Variants in CALN1 observed in about 807,000 individuals in gnomAD.
The protein encoded by CALN1 is calneuron 1, also known as calcium-binding protein 8.
Under a neutral mutation model 30.6 loss-of-function variants are expected in CALN1, and 17 were observed. That is an observed-to-expected ratio of 0.56 (90% CI 0.38 to 0.83). The LOEUF is 0.83. Among genes scored for constraint, CALN1 ranks in the 40% least tolerant of loss-of-function variants. The probability of loss-of-function intolerance (pLI) is 0.00; values close to 1 mark genes in which losing one functional copy is unlikely to be tolerated. For missense variants in CALN1, 291 were observed against 354.9 expected, an observed-to-expected ratio of 0.82 and a Z score of 1.45; for synonymous variants, 156 against 131.4, an observed-to-expected ratio of 1.19 and a Z score of -1.28.
intron 4 of CALN1, among the ~76,000 whole-genome samples, chr7:72,104,710 G>A (rs767785428): frequency 2.0e-5 from 3 of 152,178 alleles, no homozygotes; most frequent in Admixed American, 6.5e-5. Context: ...CGTAATCCCA[G>A]CACTTTGGGA....
chr7:72,447,818 T>G (rs1808573016), upstream of CALN1, among the ~76,000 whole-genome samples: 1 of 148,786 alleles, frequency 6.7e-6, no homozygotes. Flanking sequence ...CACATTCCTA[T>G]GTACACACAT....
At chr7:72,027,269 C>T (rs918494666) in intron 4 of CALN1, among the ~76,000 whole-genome samples, 8 of 152,098 alleles carry the variant, frequency 5.3e-5, no homozygotes, top group Admixed American at 4.6e-4. Flanking sequence ...CTAGGAGACG[C>T]CCCAAGTACT....
At chr7:72,463,983 AGGAG>A in the CALN1 span, among the ~76,000 whole-genome samples, 13,012 of 105,752 alleles carry the variant, frequency 0.12, 1,600 homozygotes, top group African/African-American at 0.32. Flanking sequence ...AAGGAAGGGA[AGGAG>A]GGAGGGAGGG....
intron 5 of CALN1, among the ~76,000 whole-genome samples, chr7:71,842,184 C>A (rs1789977688): frequency 6.6e-6 from 1 of 152,228 alleles, no homozygotes; most frequent in Non-Finnish European, 1.5e-5. Flanking sequence ...AAAGTCTAGT[C>A]CCGAGTAAAC....
intron 2 of CALN1, among the ~76,000 whole-genome samples, chr7:72,347,099 G>A (rs961019230): frequency 1.3e-5 from 2 of 152,156 alleles, no homozygotes; most frequent in African/African-American, 4.8e-5. Flanking sequence ...AATGCTGGCT[G>A]AGAATTTTCC....
intron 5 of CALN1, among the ~76,000 whole-genome samples, chr7:71,875,494 T>C (rs889519322): frequency 4.6e-5 from 7 of 152,192 alleles, no homozygotes; most frequent in African/African-American, 1.7e-4. Context: ...TCTGATATAA[T>C]GAAGCCAGTA....
intron 3 of CALN1, among the ~76,000 whole-genome samples, chr7:72,238,062 A>G (rs1794591514): frequency 6.6e-6 from 1 of 152,216 alleles, no homozygotes; most frequent in South Asian, 2.1e-4. Flanking sequence ...GAAGCCCTAC[A>G]GAAGACAGCC....
chr7:72,254,626 G>A (rs186373555), intron 3 of CALN1, among the ~76,000 whole-genome samples: 88 of 152,060 alleles, frequency 5.8e-4, no homozygotes, highest in Non-Finnish European at 9.7e-4. Context: ...TCCTCACTCC[G>A]TTGTTTTTTT....
chr7:72,218,641 G>C (rs1482820407), intron 3 of CALN1, among the ~76,000 whole-genome samples: 1 of 152,112 alleles, frequency 6.6e-6, no homozygotes, highest in African/African-American at 2.4e-5. Flanking sequence ...ACATCACTTT[G>C]CTTTAGTATA....
chr7:72,282,411 T>C lies in CALN1; in HGVS notation c.120-3601A>G, dbSNP rs923112346. On this transcript the variant is annotated intron_variant, in intron 2 of 6. Coordinates refer to ENST00000395275, the MANE Select transcript of CALN1 (RefSeq NM_031468.4). ...AATGAATGTGTCCCCCAGTAATTCA[T>C]ACACTGGAATCTAAGACTCTAATGT... is the stretch of plus-strand genomic sequence containing the variant. Among the ~76,000 whole-genome samples, 5 of 152,354 alleles carry C rather than the reference T, an allele frequency of 3.3e-5. No homozygotes were observed. In the East Asian group the frequency reaches 7.7e-4, roughly 24 times the overall value.
At chr7:72,183,272 C>A (rs1172827288) in intron 3 of CALN1, among the ~76,000 whole-genome samples, 3 of 151,994 alleles carry the variant, frequency 2.0e-5, no homozygotes, top group Non-Finnish European at 2.9e-5. Flanking sequence ...ACCACGTTGG[C>A]CAGGCTGGAA....
At chr7:72,460,054 G>A in the CALN1 span, among the ~76,000 whole-genome samples, 6 of 152,166 alleles carry the variant, frequency 3.9e-5, no homozygotes, top group African/African-American at 1.4e-4. Flanking sequence ...AGGGGAGCCA[G>A]CATCACATGG....
At chr7:72,341,420 G>A (rs978045631) in intron 2 of CALN1, among the ~76,000 whole-genome samples, 5 of 152,224 alleles carry the variant, frequency 3.3e-5, no homozygotes, top group Admixed American at 2.0e-4. Context: ...CTACTTTGGA[G>A]GCTGAGGCAC....
chr7:72,398,878 C>CCAT (rs1806153205), intron 2 of CALN1, among the ~76,000 whole-genome samples: 1 of 152,184 alleles, frequency 6.6e-6, no homozygotes. Context: ...CCCAACCCTT[C>CCAT]CATTATAAGC....
chr7:72,467,212 C>T, the CALN1 span, among the ~76,000 whole-genome samples: 140 of 152,304 alleles, frequency 9.2e-4, 1 homozygote, highest in Middle Eastern at 0.01. Context: ...CATTTACCTG[C>T]GTTCCTGGGC....
intron 2 of CALN1, among the ~76,000 whole-genome samples, chr7:72,300,300 T>C (rs1248401775): frequency 6.6e-6 from 1 of 151,994 alleles, no homozygotes; most frequent in African/African-American, 2.4e-5. Flanking sequence ...CTGAAAAAAA[T>C]AGTTCTGGCC....
At chr7:71,919,345 A>G (rs184908722) in intron 5 of CALN1, among the ~76,000 whole-genome samples, 197 of 152,368 alleles carry the variant, frequency 1.3e-3, no homozygotes, top group African/African-American at 4.4e-3. Flanking sequence ...CCAGCTATTT[A>G]AACTCATTTA....
chr7:72,100,508 C>G (rs1178039215), intron 4 of CALN1, among the ~76,000 whole-genome samples: 1 of 152,182 alleles, frequency 6.6e-6, no homozygotes, highest in African/African-American at 2.4e-5. Context: ...ATAGGAATAA[C>G]TCTCCCACAA....
chr7:71,840,436 G>A (rs1789867579), intron 5 of CALN1, among the ~76,000 whole-genome samples: 1 of 140,772 alleles, frequency 7.1e-6, no homozygotes, highest in Non-Finnish European at 1.5e-5. Context: ...AATGAGCTAC[G>A]ATTGCACCAT....
Sources: allele counts gnomAD v4.1 joint callset (sites outside exome capture counted in the v4.1 genomes callset), GRCh38; gene constraint gnomAD v4.1.1; transcripts MANE v1.5; gene names NCBI Gene and HGNC (gene_info 2026-07-23, HGNC 2026-07-21).